QKI: variants seen among roughly 807,000 people sequenced by gnomAD.
QKI encodes KH domain-containing RNA-binding protein QKI.
Under a neutral mutation model 39.0 loss-of-function variants are expected in QKI, and 10 were observed. The observed-to-expected ratio is 0.26, with a 90% CI of 0.16 to 0.43. The LOEUF is 0.43. QKI is among the 20% of genes least tolerant of loss of function. QKI has a pLI of 1.00. For missense variants in QKI, 218 were observed against 428.0 expected (o/e 0.51, Z 4.33); for synonymous variants, 204 against 155.4 (o/e 1.31, Z -2.33).
chr6:163,469,198 TG>T (rs1452409090), intron 2 of QKI, among the ~76,000 whole-genome samples: 1 of 152,186 alleles, frequency 6.6e-6, no homozygotes, highest in Non-Finnish European at 1.5e-5. Context: ...CCCTTTTCTA[TG>T]TAATCTTGAT....
At position 163,501,190 on chromosome 6, in the gene QKI, C is replaced by T. The variant is rs1778734004; in HGVS notation, c.402+22294C>T. Among the ~76,000 whole-genome samples, 3 of 151,998 alleles carry T rather than the reference C, an allele frequency of 2.0e-5. No homozygotes were observed. In the South Asian group the frequency reaches 6.2e-4, roughly 32 times the overall value. On this transcript the variant is annotated intron_variant, in intron 3 of 7. Coordinates refer to ENST00000361752, the MANE Select transcript of QKI (RefSeq NM_006775.3). The stretch of plus-strand genomic sequence containing the variant: ...ATGTGAATTAAGGCGTGTTCTTTGG[C>T]CACTCAAAGTGCTCCCCACCCAACA...
chr6:163,417,885 T>TAATA (rs1458911640), intron 1 of QKI, among the ~76,000 whole-genome samples: 5 of 152,220 alleles, frequency 3.3e-5, no homozygotes, highest in African/African-American at 1.2e-4. Flanking sequence ...AAAGGGCTAT[T>TAATA]CCTTAGTGTG....
chr6:163,472,969 ACAG>A (rs1437843841), intron 2 of QKI, among the ~76,000 whole-genome samples: 1 of 152,234 alleles, frequency 6.6e-6, no homozygotes, highest in African/African-American at 2.4e-5. Flanking sequence ...GGGAAAAAGA[ACAG>A]CAGATTAAAC....
At chr6:163,567,582 T>TTA (rs1783439204) in intron 7 of QKI, 3 of 983,510 alleles carry the variant, frequency 3.1e-6, no homozygotes, top group South Asian at 9.4e-5. Context: ...CCTTTACAAC[T>TTA]TTTATAATTT....
chr6:163,494,036 G>T (rs1778238062), intron 3 of QKI, among the ~76,000 whole-genome samples: 1 of 151,974 alleles, frequency 6.6e-6, no homozygotes, highest in African/African-American at 2.4e-5. Flanking sequence ...AAGTGAATTT[G>T]TGTATACCTT....
At chr6:163,554,822 C>G (rs770923748) in intron 4 of QKI, among the ~76,000 whole-genome samples, 1 of 152,256 alleles carries the variant, frequency 6.6e-6, no homozygotes. Context: ...TTCATCCTCT[C>G]TGTTGCCTGG....
In QKI at chr6:163,540,502, A is replaced by G. The variant is rs545525177; in HGVS notation, c.546+5377A>G. Among the ~76,000 whole-genome samples, 6 of 152,300 alleles carry G rather than the reference A, an allele frequency of 3.9e-5. No homozygotes were observed. In the East Asian group the frequency reaches 9.7e-4, roughly 25 times the overall value. On this transcript the variant is annotated intron_variant, in intron 4 of 7. Transcript: ENST00000361752. Reference sequence around the variant, plus strand: ...TTTTCAATTCGTATTTGGGTTTCAAAACAATCTGGTAGACTTCTTTGTTTT... The same window carrying G: ...TTTTCAATTCGTATTTGGGTTTCAAGACAATCTGGTAGACTTCTTTGTTTT...
chr6:163,422,691 G>A (rs1300592651), intron 1 of QKI, among the ~76,000 whole-genome samples: 1 of 152,224 alleles, frequency 6.6e-6, no homozygotes, highest in Non-Finnish European at 1.5e-5. Context: ...ATATCTGTAA[G>A]TGAAGACATG....
At chr6:163,460,496 CTT>C (rs1290220265) in intron 2 of QKI, among the ~76,000 whole-genome samples, 1 of 152,034 alleles carries the variant, frequency 6.6e-6, no homozygotes, top group Non-Finnish European at 1.5e-5. Flanking sequence ...TGTAAGTTCT[CTT>C]TCTGTTTCAT....
At chr6:163,479,436 A>G (rs759722783) in intron 3 of QKI, among the ~76,000 whole-genome samples, 2 of 151,868 alleles carry the variant, frequency 1.3e-5, no homozygotes, top group Non-Finnish European at 2.9e-5. Flanking sequence ...CAGTGGTGCA[A>G]TCTTGGCTCA....
Position 163,563,739 on chromosome 6 carries a change from G to T in QKI, c.934+20G>T. ...TATTAGGTAAGTTCTTCTCCCCATG[G>T]GGTTAACAACATTCTCTTTATAAAT... On this transcript the variant is annotated intron_variant, in intron 6 of 7. Transcript: ENST00000361752. 6.3e-7 allele frequency: 1 copy of T among 1,596,916 alleles called. No individual in the cohort carries two copies. The highest frequency in any genetic ancestry group is 8.5e-7 in the Non-Finnish European group (1 of 1,170,466).
chr6:163,471,934 T>C (rs1054802696), intron 2 of QKI, among the ~76,000 whole-genome samples: 3 of 152,146 alleles, frequency 2.0e-5, no homozygotes, highest in Non-Finnish European at 4.4e-5. Flanking sequence ...AAATAAATTC[T>C]ATCTATATTA....
chr6:163,420,515 G>T (rs1363579485), intron 1 of QKI, among the ~76,000 whole-genome samples: 1 of 152,058 alleles, frequency 6.6e-6, no homozygotes, highest in East Asian at 1.9e-4. Flanking sequence ...AAGGGATGGG[G>T]AGTGGTGAGT....
At chr6:163,451,566 GA>G (rs1256236529) in intron 1 of QKI, among the ~76,000 whole-genome samples, 6 of 152,264 alleles carry the variant, frequency 3.9e-5, no homozygotes, top group African/African-American at 1.4e-4. Context: ...TAATATTTAA[GA>G]TCTTTAGAGA....
chr6:163,565,276 A>G, intron 6 of QKI: 2 of 986,592 alleles, frequency 2.0e-6, no homozygotes, highest in African/African-American at 1.7e-5. Context: ...TCCTTTTCCC[A>G]GAACTCCTCT....
At chr6:163,482,600 G>T (rs1180199961) in intron 3 of QKI, among the ~76,000 whole-genome samples, 1 of 141,528 alleles carries the variant, frequency 7.1e-6, no homozygotes, top group African/African-American at 2.6e-5. Context: ...TAATTTGCTA[G>T]AGTAGTTCAC....
intron 3 of QKI, among the ~76,000 whole-genome samples, chr6:163,483,843 T>G (rs1365786389): frequency 6.6e-6 from 1 of 151,894 alleles, no homozygotes; most frequent in Admixed American, 6.6e-5. Flanking sequence ...TTCCAGGAGG[T>G]TTTCAATATA....
At chr6:163,516,258 C>A (rs1434965953) in intron 3 of QKI, among the ~76,000 whole-genome samples, 3 of 151,970 alleles carry the variant, frequency 2.0e-5, no homozygotes, top group African/African-American at 4.8e-5. Context: ...ATTATGGGGC[C>A]TTTTTTGGGA....
At chr6:163,537,981 AG>A (rs1781301220) in intron 4 of QKI, among the ~76,000 whole-genome samples, 1 of 152,166 alleles carries the variant, frequency 6.6e-6, no homozygotes, top group Non-Finnish European at 1.5e-5. Context: ...CTTACCTTTC[AG>A]GTTTCATTTT....
Sources: allele counts gnomAD v4.1 joint callset (sites outside exome capture counted in the v4.1 genomes callset), GRCh38; gene constraint gnomAD v4.1.1; transcripts MANE v1.5; gene names NCBI Gene and HGNC (gene_info 2026-07-23, HGNC 2026-07-21).